The following TNRC18 variants were observed in gnomAD, a reference collection of about 807,000 sequenced individuals.
The protein encoded by TNRC18 is trinucleotide repeat-containing gene 18 protein.
In TNRC18, 69 loss-of-function variants were observed where a neutral mutation model predicts 226.7. The ratio of observed to expected loss-of-function variants is 0.30; its 90% CI spans 0.25 to 0.37. TNRC18 has a LOEUF of 0.37. Among genes scored for constraint, TNRC18 ranks in the 10% least tolerant of loss-of-function variants. The pLI is 1.00. For synonymous variants in TNRC18, 2,449 were observed against 1,927.6 expected (o/e 1.27, Z -7.09); for missense variants, 4,754 against 4,256.6 (o/e 1.12, Z -3.25).
Position 5,376,236 on chromosome 7 carries a change from G to T in TNRC18, c.2609-12C>A. On this transcript the variant is annotated splice_polypyrimidine_tract_variant and intron_variant, in intron 8 of 29. Transcript: ENST00000430969. ...CTCCATCAGCTCCGCTGCAGGGACA[G>T]AGACAGTGCGCTGCACCTGCGGCCT... is the stretch of plus-strand genomic sequence containing the variant. 1.4e-6 allele frequency: 2 copies of T among 1,477,964 alleles called. No homozygotes were observed. Among genetic ancestry groups the T allele is most frequent in the Non-Finnish European group, 1.8e-6 (2 of 1,119,584 alleles). 91.6% of individuals were successfully genotyped at this position (1,477,964 alleles called of 1,614,324 possible).
chr7:5,378,011 T>G lies in TNRC18; in HGVS notation c.2166A>C (p.Ala722=). The part of the protein sequence containing the change: ...SLSNVKGHGR[A]DEDCVDDRAR... ...CCCGGTCGTCCACACAGTCCTCATC[T>G]GCTCGGCCGTGCCCTGCAGGGGGCC... The change falls in exon 6 of 30, where the codon GCA becomes GCC. Residue 722 remains alanine, a synonymous_variant. Transcript: ENST00000430969. 1 of 1,610,666 alleles carries G rather than the reference T, an allele frequency of 6.2e-7. No homozygotes were observed. Among genetic ancestry groups the G allele is most frequent in the Non-Finnish European group, 8.5e-7 (1 of 1,179,358 alleles).
chr7:5,329,207 G>T (rs1372418397), intron 19 of TNRC18, among the ~76,000 whole-genome samples: 1 of 151,934 alleles, frequency 6.6e-6, no homozygotes, highest in African/African-American at 2.4e-5. Flanking sequence ...GGAGGCTGAG[G>T]CAAGAGAATC....
rs758771635 is a variant in TNRC18 at position 5,387,969 on chromosome 7, T to C, written c.1855A>G (p.Met619Val). The C allele has an allele frequency of 1.6e-5, 25 of 1,596,968 alleles. No individual in the cohort carries two copies. The highest frequency in any genetic ancestry group is 2.0e-5 in the Non-Finnish European group (24 of 1,173,036). ...KKSPFGGLGT[M>V]KPEPAPTSAG... ...GAGGTGGGCGCAGGCTCGGGTTTCATGGTGCCCAAACCTCCAAAGGGGCTC... is the reference window on the plus strand; with the variant it reads ...GAGGTGGGCGCAGGCTCGGGTTTCACGGTGCCCAAACCTCCAAAGGGGCTC... Residue 619 changes from methionine to valine, a missense_variant, in exon 5 of 30, where the codon ATG becomes GTG. Met to Val is a conservative substitution (Grantham distance 21). Transcript: ENST00000430969.
intron 2 of TNRC18, among the ~76,000 whole-genome samples, chr7:5,397,339 G>C (rs1036520144): frequency 6.6e-6 from 1 of 152,194 alleles, no homozygotes; most frequent in African/African-American, 2.4e-5. Flanking sequence ...CAGGCTGCAC[G>C]GAAGCCTAAT....
At chr7:5,356,654 C>T (rs559735728) in intron 16 of TNRC18, among the ~76,000 whole-genome samples, 3 of 152,298 alleles carry the variant, frequency 2.0e-5, no homozygotes, top group East Asian at 1.9e-4. Context: ...CGGCTCCCAA[C>T]CGCCAATCAC....
Position 5,312,617 on chromosome 7 carries a change from G to A in TNRC18, c.8274C>T (p.Pro2758=), listed in dbSNP as rs551425143. 9.9e-6 allele frequency: 16 copies of A among 1,610,546 alleles called. No homozygotes were observed. In the East Asian group the frequency reaches 2.9e-4, roughly 29 times the overall value. ...GCCGCTTGGCCAGCTCCTTGGTGGT[G>A]GGGAGGTGGACGCCCTCTCTCTTCT... is the stretch of plus-strand genomic sequence containing the variant. ...RPKKREGVHL[P]TTKELAKRQR... is the part of the protein sequence containing the mutation. Residue 2758 remains proline (P), a synonymous_variant, in exon 27 of 30, where the codon CCC becomes CCT. Coordinates refer to ENST00000430969, the MANE Select transcript of TNRC18 (RefSeq NM_001080495.3). The surrounding 1 kb of genome is among the most constrained non-coding windows in gnomAD (Gnocchi z 6.3).
At chr7:5,414,526 C>T (rs1355069780) in intron 2 of TNRC18, among the ~76,000 whole-genome samples, 1 of 152,052 alleles carries the variant, frequency 6.6e-6, no homozygotes, top group Admixed American at 6.6e-5. Context: ...CATTCTCCTG[C>T]CTCAGCCTCC....
rs758409938 is a variant in TNRC18 at position 5,313,286 on chromosome 7, G to A, written c.7605C>T (p.Phe2535=). The change falls in exon 27 of 30, where the codon TTC becomes TTT. Residue 2535 remains phenylalanine, a synonymous_variant. Transcript: ENST00000430969. The part of the protein sequence containing the change: ...LAQEPGPGLT[F]EDSGNPKSPD... ...GGCTCTTGGGGTTCCCAGAGTCCTC[G>A]AACGTGAGCCCCGGCCCGGGCTCCT... is the stretch of plus-strand genomic sequence containing the variant. 1.4e-5 allele frequency: 21 copies of A among 1,548,344 alleles called. No individual in the cohort carries two copies. The highest frequency in any genetic ancestry group is 1.4e-5 in the African/African-American group (1 of 72,952).
At chr7:5,391,119 G>A (rs1304376585) in intron 3 of TNRC18, among the ~76,000 whole-genome samples, 2 of 151,972 alleles carry the variant, frequency 1.3e-5, no homozygotes, top group African/African-American at 2.4e-5. Context: ...CCCTTTCTCT[G>A]CTGTGTGACC....
chr7:5,361,150 A>G (rs1792999353), intron 14 of TNRC18, among the ~76,000 whole-genome samples: 2 of 152,110 alleles, frequency 1.3e-5, no homozygotes, highest in African/African-American at 4.8e-5. Flanking sequence ...CTTGTCCCCA[A>G]GTGCCAGAAG....
intron 14 of TNRC18, 96 bp downstream of exon 14, chr7:5,361,498 G>C: frequency 1.5e-6 from 2 of 1,365,404 alleles, no homozygotes; most frequent in East Asian, 5.6e-5. Flanking sequence ...AGGGACGCGA[G>C]GTCCCCCAGC....
intron 2 of TNRC18, among the ~76,000 whole-genome samples, chr7:5,404,447 A>AT (rs1306971901): frequency 2.6e-5 from 4 of 152,220 alleles, no homozygotes; most frequent in Non-Finnish European, 5.9e-5. Context: ...TTTCAAGGCC[A>AT]TTAGCATTAC....
Position 5,377,689 on chromosome 7 carries a change from C to T in TNRC18, c.2256-113G>A. On this transcript the variant is annotated intron_variant, in intron 6 of 29. Coordinates refer to ENST00000430969, the MANE Select transcript of TNRC18 (RefSeq NM_001080495.3). This position sits in a 1 kb window ranked among gnomAD's most constrained non-coding sequence, Gnocchi z 5.8. ...CCACCAGGCCATGAGTCAGGACAAC[C>T]ACTGCTCGGAACTGAAGGGCCTCCC... 2 of 1,243,598 alleles carry T rather than the reference C, an allele frequency of 1.6e-6. No individual in the cohort carries two copies. Among genetic ancestry groups the T allele is most frequent in the Non-Finnish European group, 2.2e-6 (2 of 892,558 alleles). The allele number at this position is 1,243,598 out of a possible 1,614,324, so 77.0% of individuals were successfully genotyped here.
At position 5,371,244 on chromosome 7, in the gene TNRC18, G is replaced by T; in HGVS notation, c.3350C>A (p.Pro1117Gln). 6.2e-7 allele frequency: 1 copy of T among 1,603,742 alleles called. No individual in the cohort carries two copies. The highest frequency in any genetic ancestry group is 1.1e-5 in the South Asian group (1 of 90,564). Residue 1117 changes from proline (P) to glutamine (Q), a missense_variant, in exon 11 of 30, where the codon CCG becomes CAG. Pro to Gln is a moderately conservative substitution (Grantham distance 76, BLOSUM62 -1). Coordinates refer to ENST00000430969, the MANE Select transcript of TNRC18 (RefSeq NM_001080495.3). The part of the protein sequence containing the change: ...ADGLAPDVPL[P>Q]ADGPERLALS... ...TGCCAGGCGCTCGGGCCCATCAGCCGGGAGCGGCACATCAGGGGCCAAGCC... is the reference window on the plus strand; with the variant it reads ...TGCCAGGCGCTCGGGCCCATCAGCCTGGAGCGGCACATCAGGGGCCAAGCC...
chr7:5,370,083 G>A (rs959639927), intron 11 of TNRC18, among the ~76,000 whole-genome samples: 1 of 152,094 alleles, frequency 6.6e-6, no homozygotes, highest in African/African-American at 2.4e-5. Context: ...GGGAGGTCAA[G>A]GTGGGCAAAA....
chr7:5,386,655 T>C (rs891498230), intron 5 of TNRC18, among the ~76,000 whole-genome samples: 5 of 150,734 alleles, frequency 3.3e-5, no homozygotes, highest in African/African-American at 9.7e-5. Flanking sequence ...GAGGCTAAGG[T>C]TGGAGGATCG....
chr7:5,316,274 CTTTTTTT>C (rs1278896095), intron 24 of TNRC18, among the ~76,000 whole-genome samples: 1 of 86,534 alleles, frequency 1.2e-5, no homozygotes, highest in Admixed American at 1.6e-4. Flanking sequence ...AGAAATGGGT[CTTTTTTT>C]TTTTTTTTTT....
Position 5,371,325 on chromosome 7 carries a change from T to A in TNRC18, c.3269A>T (p.His1090Leu), listed in dbSNP as rs1464565142. The A allele has an allele frequency of 1.3e-6, 2 of 1,534,304 alleles. No homozygotes were observed. The highest frequency in any genetic ancestry group is 1.2e-5 in the South Asian group (1 of 81,388). ...PRYPFQALPPHYGRPYPFLLQ... is the reference protein window; with the variant it reads ...PRYPFQALPPLYGRPYPFLLQ... ...CAGGAAAGGGTAGGGCCTCCCGTAG[T>A]GCGGTGGCAGGGCTTGGAACGGGTA... Residue 1090 changes from histidine to leucine, a missense_variant, in exon 11 of 30, where the codon CAC becomes CTC. By Grantham distance (99) the His-to-Leu change is moderately conservative. Transcript: ENST00000430969.
In TNRC18 at chr7:5,307,839, T is replaced by TCCGGC; in HGVS notation, c.*262_*266dup. 1 of 521,026 alleles carries TCCGGC rather than the reference T, an allele frequency of 1.9e-6. No individual in the cohort carries two copies. The highest frequency in any genetic ancestry group is 3.3e-5 in the East Asian group (1 of 29,984). The allele number at this position is 521,026 out of a possible 1,614,324, so 32.3% of individuals were successfully genotyped here. On this transcript the variant is annotated 3_prime_UTR_variant, in exon 30 of 30. Coordinates refer to ENST00000430969, the MANE Select transcript of TNRC18 (RefSeq NM_001080495.3). Reference sequence around the variant, plus strand: ...CAACGTGCTGGGCAGGAAGGGCCGGTCCGGCCATACCCTGATAGCTAAGAG... The same window carrying TCCGGC: ...CAACGTGCTGGGCAGGAAGGGCCGGTCCGGCCCGGCCATACCCTGATAGCTAAGAG...
Sources: allele counts gnomAD v4.1 joint callset (sites outside exome capture counted in the v4.1 genomes callset), GRCh38; gene constraint gnomAD v4.1.1; non-coding constraint Gnocchi (gnomAD v3.1); transcripts MANE v1.5; gene names NCBI Gene and HGNC (gene_info 2026-07-23, HGNC 2026-07-21).